Variants in IKBIP observed in about 807,000 individuals in gnomAD.
IKBIP encodes the protein IKBKB interacting protein, also known as inhibitor of nuclear factor kappa-B kinase-interacting protein.
IKBIP carries 28 observed loss-of-function variants against 31.0 expected under a neutral mutation model. That is an observed-to-expected ratio of 0.90 (90% CI 0.67 to 1.24). IKBIP has a LOEUF of 1.24. Among genes scored for constraint, IKBIP ranks in the 50% most tolerant of loss-of-function variants. IKBIP has a pLI of 0.00. For missense variants in IKBIP, 453 were observed against 441.9 expected (o/e 1.03, Z -0.23); for synonymous variants, 164 against 160.3 (o/e 1.02, Z -0.17).
At chr12:98,616,253 G>A (rs2097606240) in intron 2 of IKBIP, among the ~76,000 whole-genome samples, 2 of 152,040 alleles carry the variant, frequency 1.3e-5, no homozygotes, top group East Asian at 1.9e-4. Flanking sequence ...GTGATGTTGA[G>A]CATTTTTTTC....
chr12:98,623,167 G>A (rs60995345), downstream of IKBIP, among the ~76,000 whole-genome samples: 4,052 of 150,734 alleles, frequency 0.027, 417 homozygotes, highest in African/African-American at 0.096. Context: ...TAGTAGAGAC[G>A]GGGTTTCACC....
At chr12:98,614,877 G>A (rs1179280679) in intron 2 of IKBIP, among the ~76,000 whole-genome samples, 2 of 152,244 alleles carry the variant, frequency 1.3e-5, no homozygotes, top group Non-Finnish European at 2.9e-5. Context: ...AAATGTCCCT[G>A]GAAATTACAT....
At chr12:98,634,055 T>C (rs1221539001) in intron 2 of IKBIP, among the ~76,000 whole-genome samples, 1 of 152,174 alleles carries the variant, frequency 6.6e-6, no homozygotes, top group East Asian at 1.9e-4. Flanking sequence ...ATCATGCTAA[T>C]ATGAACAAAT....
In IKBIP at chr12:98,634,385, C is replaced by A; in HGVS notation, c.208G>T (p.Ala70Ser). Residue 70 changes from alanine (A) to serine (S), a missense_variant, in exon 2 of 3, where the codon GCA becomes TCA. Transcript: ENST00000299157. ...AACTGGTATTGGTTTTCCACCTTTG[C>A]AAATTTTTCTGACTGCTGAAATACA... Reference protein sequence around the residue: ...WFVFQQSEKFAKVENQYQLLK... With the variant: ...WFVFQQSEKFSKVENQYQLLK... The A allele has an allele frequency of 6.3e-7, 1 of 1,597,028 alleles. No individual in the cohort carries two copies. Among genetic ancestry groups the A allele is most frequent in the Non-Finnish European group, 8.6e-7 (1 of 1,166,326 alleles).
In IKBIP at chr12:98,644,682, C is replaced by T. The variant is rs2097636896; in HGVS notation, c.20G>A (p.Arg7Gln). The T allele has an allele frequency of 1.2e-6, 2 of 1,610,286 alleles. No homozygotes were observed. The highest frequency in any genetic ancestry group is 1.1e-5 in the South Asian group (1 of 91,040). MSEVKS[R>Q]KKSGPKGAPA... is the part of the protein sequence containing the mutation. ...GGCTCCCTTGGGCCCCGACTTCTTCCGGCTCTTCACCTCAGACATGTCTGG... is the reference window on the plus strand; with the variant it reads ...GGCTCCCTTGGGCCCCGACTTCTTCTGGCTCTTCACCTCAGACATGTCTGG... The change falls in exon 1 of 3, where the codon CGG becomes CAG. Residue 7 changes from arginine to glutamine, a missense_variant. Physicochemically the swap from Arg to Gln is conservative, Grantham distance 43 (BLOSUM62 1). Coordinates refer to ENST00000299157, the MANE Select transcript of IKBIP (RefSeq NM_153687.4).
Position 98,628,403 on chromosome 12 carries a change from A to G in IKBIP, c.298-1637T>C, listed in dbSNP as rs76995468. Reference sequence around the variant, plus strand: ...TATGCCTATCATGGTACACTGTTACAAAACCTTTGATGTTTCCTAATACTT... The same window carrying G: ...TATGCCTATCATGGTACACTGTTACGAAACCTTTGATGTTTCCTAATACTT... On this transcript the variant is annotated intron_variant, in intron 2 of 2. Transcript: ENST00000299157. Among the ~76,000 whole-genome samples the G allele has an allele frequency of 1.0e-3, 157 of 152,370 alleles. 2 individuals carry two copies. The highest frequency in any genetic ancestry group is 9.5e-3 in the Admixed American group (145 of 15,304).
exon 3 of IKBIP, chr12:98,613,904 GTCT>G: frequency 1.2e-6 from 2 of 1,613,502 alleles, no homozygotes; most frequent in Non-Finnish European, 1.7e-6. Flanking sequence ...TTCGGTTAGC[GTCT>G]TCTTAACAGA....
chr12:98,628,802 A>G (rs1198423600), intron 2 of IKBIP, among the ~76,000 whole-genome samples: 3 of 152,204 alleles, frequency 2.0e-5, no homozygotes, highest in Non-Finnish European at 4.4e-5. Flanking sequence ...TGTGTGAGGT[A>G]GTTCCATTAT....
chr12:98,639,492 AC>A (rs1416639571), intron 1 of IKBIP, among the ~76,000 whole-genome samples: 1 of 152,190 alleles, frequency 6.6e-6, no homozygotes, highest in Non-Finnish European at 1.5e-5. Context: ...GGAGAAAGGG[AC>A]CCAGGCTACT....
chr12:98,635,547 A>G (rs568750088), intron 1 of IKBIP, among the ~76,000 whole-genome samples: 52 of 152,230 alleles, frequency 3.4e-4, no homozygotes, highest in Non-Finnish European at 6.6e-4. Flanking sequence ...CATGCACAAG[A>G]AATATTTTAG....
At chr12:98,628,657 ACT>A (rs2097617062) in intron 2 of IKBIP, among the ~76,000 whole-genome samples, 1 of 152,136 alleles carries the variant, frequency 6.6e-6, no homozygotes, top group African/African-American at 2.4e-5. Flanking sequence ...TTGAGGGTTC[ACT>A]CTGTGCCAGC....
chr12:98,622,407 A>G (rs1196476037), downstream of IKBIP, among the ~76,000 whole-genome samples: 1 of 152,136 alleles, frequency 6.6e-6, no homozygotes, highest in Non-Finnish European at 1.5e-5. Flanking sequence ...CTGTAGTCCC[A>G]GCAATCGGAG....
exon 3 of IKBIP, chr12:98,614,211 G>C: frequency 2.5e-6 from 4 of 1,613,844 alleles, no homozygotes; most frequent in Middle Eastern, 1.7e-4. Flanking sequence ...CTGTTGTTCA[G>C]TATATCCTGT....
chr12:98,614,053 A>G (rs2097604831), exon 3 of IKBIP: 9 of 1,611,838 alleles, frequency 5.6e-6, no homozygotes, highest in Non-Finnish European at 7.6e-6. Context: ...GTTCTTGCAC[A>G]GAATCTGTCA....
At chr12:98,627,756 G>GT (rs2097616232) in intron 2 of IKBIP, among the ~76,000 whole-genome samples, 2 of 152,106 alleles carry the variant, frequency 1.3e-5, no homozygotes, top group African/African-American at 2.4e-5. Context: ...CATTTTTATG[G>GT]TTTTTTGGCT....
At chr12:98,632,486 A>AG (rs2097621205) in intron 2 of IKBIP, among the ~76,000 whole-genome samples, 1 of 33,500 alleles carries the variant, frequency 3.0e-5, no homozygotes, top group Non-Finnish European at 5.4e-5. Context: ...TCTATCTGAA[A>AG]AAAAAAAAAA....
intron 2 of IKBIP, among the ~76,000 whole-genome samples, chr12:98,633,170 C>T (rs2097622606): frequency 6.6e-6 from 1 of 152,116 alleles, no homozygotes; most frequent in Admixed American, 6.6e-5. Context: ...AAGCATAGGT[C>T]CTTGCTTACC....
rs2097614686 is a variant in IKBIP at position 98,626,575 on chromosome 12, T to C, written c.489A>G (p.Leu163=). The part of the protein sequence containing the change: ...QNITDFWKRS[L]EEMNINTDIF... The stretch of plus-strand genomic sequence containing the variant: ...TGTCTGTATTAATGTTCATTTCTTC[T>C]AGGCTTCTCTTCCAGAAATCCGTAA... Residue 163 remains leucine, a synonymous_variant, in exon 3 of 3, where the codon CTA becomes CTG. Coordinates refer to ENST00000299157, the MANE Select transcript of IKBIP (RefSeq NM_153687.4). The C allele has an allele frequency of 6.2e-7, 1 of 1,613,564 alleles. No homozygotes were observed. Among genetic ancestry groups the C allele is most frequent in the East Asian group, 2.2e-5 (1 of 44,874 alleles).
chr12:98,618,345 G>A, intron 2 of IKBIP, among the ~76,000 whole-genome samples: 1 of 152,002 alleles, frequency 6.6e-6, no homozygotes, highest in East Asian at 1.9e-4. Context: ...AAAAAATTGA[G>A]GCCAGGCGCG....
Sources: gnomAD v4.1 joint callset for allele counts (sites outside exome capture counted in the v4.1 genomes callset) on GRCh38, gnomAD v4.1.1 for gene constraint, MANE v1.5 for transcripts, NCBI Gene and HGNC (gene_info 2026-07-23, HGNC 2026-07-21) for gene names.